PTPRD: variants seen among roughly 807,000 people sequenced by gnomAD.
PTPRD encodes receptor-type tyrosine-protein phosphatase delta.
In PTPRD, 34 loss-of-function variants were observed where a neutral mutation model predicts 214.5. The ratio of observed to expected loss-of-function variants is 0.16; its 90% CI spans 0.12 to 0.21. The LOEUF (loss-of-function observed/expected upper bound fraction) is 0.21. Ranked by LOEUF, PTPRD falls within the 10% of genes least tolerant of loss-of-function variation. The pLI is 1.00. For synonymous variants in PTPRD, 1,128 were observed against 845.7 expected (o/e 1.33, Z -5.79); for missense variants, 2,545 against 2,398.7 (o/e 1.06, Z -1.27).
At chr9:9,781,926 G>T (rs953110161) in intron 5 of PTPRD, among the ~76,000 whole-genome samples, 1 of 151,974 alleles carries the variant, frequency 6.6e-6, no homozygotes, top group African/African-American at 2.4e-5. Flanking sequence ...CCAAGTAGCT[G>T]GGACTACAGG....
intron 8 of PTPRD, among the ~76,000 whole-genome samples, chr9:9,427,695 C>T (rs1242344311): frequency 6.6e-6 from 1 of 152,174 alleles, no homozygotes; most frequent in Non-Finnish European, 1.5e-5. Context: ...GGAAGCCCAT[C>T]AGACTAACAG....
At chr9:8,709,614 C>T (rs535131276) in intron 12 of PTPRD, among the ~76,000 whole-genome samples, 13 of 151,420 alleles carry the variant, frequency 8.6e-5, no homozygotes, top group African/African-American at 2.7e-4. Context: ...CATGAGGTAA[C>T]ACATTGGCTA....
chr9:9,706,548 T>C (rs2097613717), intron 7 of PTPRD, among the ~76,000 whole-genome samples: 1 of 152,000 alleles, frequency 6.6e-6, no homozygotes, highest in Non-Finnish European at 1.5e-5. Flanking sequence ...CAAGCAATTC[T>C]CCTGCTTCAG....
intron 9 of PTPRD, among the ~76,000 whole-genome samples, chr9:9,297,182 C>T (rs1350500717): frequency 6.6e-6 from 1 of 151,640 alleles, no homozygotes; most frequent in Non-Finnish European, 1.5e-5. Flanking sequence ...GCCTCTTGGT[C>T]TTGTATCAAA....
intron 8 of PTPRD, among the ~76,000 whole-genome samples, chr9:9,563,581 T>C (rs1393203426): frequency 2.0e-5 from 3 of 151,990 alleles, no homozygotes. Context: ...GTAAGAAAAA[T>C]AAGGAAACCA....
intron 8 of PTPRD, among the ~76,000 whole-genome samples, chr9:9,555,994 G>A (rs1182169965): frequency 3.3e-5 from 5 of 151,962 alleles, no homozygotes; most frequent in Non-Finnish European, 7.4e-5. Context: ...AGATTGTACA[G>A]TTGACCCTTG....
intron 11 of PTPRD, among the ~76,000 whole-genome samples, chr9:8,767,844 C>T (rs537405787): frequency 1.3e-5 from 2 of 151,880 alleles, no homozygotes; most frequent in African/African-American, 4.8e-5. Flanking sequence ...TCAGTATGGT[C>T]TCATTTAAGT....
chr9:9,037,060 C>A (rs1261635375), intron 10 of PTPRD, among the ~76,000 whole-genome samples: 1 of 152,176 alleles, frequency 6.6e-6, no homozygotes, highest in East Asian at 1.9e-4. Flanking sequence ...TTCATCTACA[C>A]AATGGTATGT....
At chr9:9,966,044 C>T (rs1474697380) in intron 4 of PTPRD, among the ~76,000 whole-genome samples, 1 of 152,124 alleles carries the variant, frequency 6.6e-6, no homozygotes, top group Admixed American at 6.5e-5. Flanking sequence ...CTTGGGACTG[C>T]ATAGAAGCAT....
chr9:8,661,283 A>C (rs1397161302), intron 12 of PTPRD, among the ~76,000 whole-genome samples: 2 of 152,104 alleles, frequency 1.3e-5, no homozygotes, highest in African/African-American at 4.8e-5. Flanking sequence ...TGGTCAATAC[A>C]CAGTTCAGCC....
chr9:10,216,103 C>T (rs2099539854), intron 3 of PTPRD, among the ~76,000 whole-genome samples: 1 of 151,868 alleles, frequency 6.6e-6, no homozygotes, highest in Non-Finnish European at 1.5e-5. Context: ...CTTTTACTAA[C>T]ACTGTCTTTA....
In PTPRD at chr9:8,314,584, T is replaced by A. The variant is rs1820886233; in HGVS notation, c.*3290A>T. The A allele has an allele frequency of 1.3e-5, 3 of 231,890 alleles. No homozygotes were observed. Among genetic ancestry groups the A allele is most frequent in the South Asian group, 1.8e-4 (1 of 5,516 alleles). 14.4% of individuals were successfully genotyped at this position (231,890 alleles called of 1,614,324 possible). On this transcript the variant is annotated 3_prime_UTR_variant, in exon 46 of 46. Transcript: ENST00000381196. ...ATAGAATGGATCTGTAGCCTTCTGA[T>A]CTCTGCTGGAGTATCAGGGCACCCA...
At chr9:10,453,293 A>G (rs55805382) in intron 2 of PTPRD, among the ~76,000 whole-genome samples, 3,629 of 151,654 alleles carry the variant, frequency 0.024, 70 homozygotes, top group Middle Eastern at 0.048. Flanking sequence ...TTCTTTGACT[A>G]TTCATGAGAT....
At chr9:10,248,224 G>A (rs1481887077) in intron 3 of PTPRD, among the ~76,000 whole-genome samples, 1 of 151,992 alleles carries the variant, frequency 6.6e-6, no homozygotes, top group East Asian at 1.9e-4. Flanking sequence ...AAGCAGTAAG[G>A]GTTAAAGTGT....
chr9:9,588,147 A>T (rs2092302871), intron 7 of PTPRD, among the ~76,000 whole-genome samples: 1 of 151,976 alleles, frequency 6.6e-6, no homozygotes, highest in African/African-American at 2.4e-5. Flanking sequence ...TAACAGAAAA[A>T]AATAGACCCA....
chr9:10,502,393 A>C (rs1332873891), intron 2 of PTPRD, among the ~76,000 whole-genome samples: 1 of 152,000 alleles, frequency 6.6e-6, no homozygotes, highest in Non-Finnish European at 1.5e-5. Flanking sequence ...AGAACCCAAG[A>C]ATCACATAAA....
intron 9 of PTPRD, among the ~76,000 whole-genome samples, chr9:9,314,824 T>TA (rs1481342272): frequency 6.6e-6 from 1 of 152,090 alleles, no homozygotes; most frequent in Non-Finnish European, 1.5e-5. Context: ...TATTTATTTT[T>TA]ATATATGTTT....
At chr9:9,053,526 T>G (rs962995409) in intron 10 of PTPRD, among the ~76,000 whole-genome samples, 4 of 152,084 alleles carry the variant, frequency 2.6e-5, no homozygotes, top group Admixed American at 2.6e-4. Flanking sequence ...AAGAAGATAC[T>G]TATACAAAAT....
At chr9:9,758,576 C>T (rs1037088602) in intron 6 of PTPRD, among the ~76,000 whole-genome samples, 1 of 152,146 alleles carries the variant, frequency 6.6e-6, no homozygotes, top group African/African-American at 2.4e-5. Flanking sequence ...ACAGTGGCTA[C>T]AACCAACAAA....
Sources: allele counts gnomAD v4.1 joint callset (sites outside exome capture counted in the v4.1 genomes callset), GRCh38; gene constraint gnomAD v4.1.1; transcripts MANE v1.5; gene names NCBI Gene and HGNC (gene_info 2026-07-23, HGNC 2026-07-21).